ITGAE: variants seen among roughly 807,000 people sequenced by gnomAD.
ITGAE encodes integrin alpha-E.
In ITGAE, 99 loss-of-function variants were observed where a neutral mutation model predicts 136.5. The observed-to-expected ratio is 0.73, with a 90% CI of 0.62 to 0.86. ITGAE has a LOEUF of 0.86. Ranked by LOEUF, ITGAE falls within the 40% of genes least tolerant of loss-of-function variation. The probability of loss-of-function intolerance (pLI) is 0.00; values close to 1 mark genes in which losing one functional copy is unlikely to be tolerated. For synonymous variants in ITGAE, 613 were observed against 591.8 expected (o/e 1.04, Z -0.52); for missense variants, 1,447 against 1,515.3 (o/e 0.95, Z 0.75).
At chr17:3,730,878 T>C (rs2051325987) in intron 23 of ITGAE, among the ~76,000 whole-genome samples, 1 of 152,240 alleles carries the variant, frequency 6.6e-6, no homozygotes, top group South Asian at 2.1e-4. Context: ...CACCAGGCTG[T>C]ACCACAGTTT....
In ITGAE at chr17:3,797,407, T is replaced by C. The variant is rs372489004; in HGVS notation, c.34+3704A>G. Reference sequence around the variant, plus strand: ...GTCTCGATCTCCTGACCTCATGATCTGCCCACCTTGGCCTCCTAAAGTGCT... The same window carrying C: ...GTCTCGATCTCCTGACCTCATGATCCGCCCACCTTGGCCTCCTAAAGTGCT... On this transcript the variant is annotated intron_variant, in intron 1 of 30. Coordinates refer to ENST00000263087, the MANE Select transcript of ITGAE (RefSeq NM_002208.5). Among the ~76,000 whole-genome samples, 130 of 151,118 alleles carry C rather than the reference T, an allele frequency of 8.6e-4. 2 individuals carry two copies. The highest frequency in any genetic ancestry group is 1.3e-3 in the South Asian group (6 of 4,782).
At chr17:3,777,192 A>G (rs1597359150) in intron 2 of ITGAE, among the ~76,000 whole-genome samples, 2 of 150,546 alleles carry the variant, frequency 1.3e-5, no homozygotes, top group African/African-American at 4.9e-5. Flanking sequence ...CAATCTCCTG[A>G]CCTCGTGATC....
At chr17:3,749,258 CTTT>C (rs796375843) in intron 16 of ITGAE, among the ~76,000 whole-genome samples, 2 of 144,196 alleles carry the variant, frequency 1.4e-5, no homozygotes. Context: ...CTCTGTTTTT[CTTT>C]TTTTTTTTTT....
intron 2 of ITGAE, among the ~76,000 whole-genome samples, chr17:3,773,405 C>T (rs1364436959): frequency 1.3e-5 from 2 of 152,048 alleles, no homozygotes; most frequent in African/African-American, 2.4e-5. Context: ...GCAGGAGAAT[C>T]GCTTGAACCC....
At position 3,755,881 on chromosome 17, in the gene ITGAE, G is replaced by T; in HGVS notation, c.1188C>A (p.Ala396=). ...CAATCTGTGCCAGCTGGTAGTGAAG[G>T]GCGTCTCCAACCGTGCCTGCAAGCC... ...IISMEGTVGD[A]LHYQLAQIGF... The change falls in exon 11 of 31, where the codon GCC becomes GCA. Residue 396 remains alanine, a synonymous_variant. Coordinates refer to ENST00000263087, the MANE Select transcript of ITGAE (RefSeq NM_002208.5). 1 of 1,599,196 alleles carries T rather than the reference G, an allele frequency of 6.3e-7. No individual in the cohort carries two copies. Among genetic ancestry groups the T allele is most frequent in the South Asian group, 1.1e-5 (1 of 88,180 alleles).
At chr17:3,776,454 A>C (rs2052542447) in intron 2 of ITGAE, among the ~76,000 whole-genome samples, 1 of 152,202 alleles carries the variant, frequency 6.6e-6, no homozygotes, top group Non-Finnish European at 1.5e-5. Context: ...AGAGAAGGGA[A>C]ACTGAAGCTC....
At position 3,753,886 on chromosome 17, in the gene ITGAE, G is replaced by A. The variant is rs2051934914; in HGVS notation, c.1424C>T (p.Ser475Phe). Residue 475 changes from serine (S) to phenylalanine (F), a missense_variant, in exon 13 of 31, where the codon TCC becomes TTC. Ser to Phe is a radical substitution (Grantham distance 155, BLOSUM62 -2). Coordinates refer to ENST00000263087, the MANE Select transcript of ITGAE (RefSeq NM_002208.5). ...GTACCGTGGAGCCCCCGCGATGTAG[G>A]AGAGGCTGCAGGTCTTGTGCAGCAC... is the stretch of plus-strand genomic sequence containing the variant. ...VAVLHKTCSL[S>F]YIAGAPRYKH... 11 of 1,614,146 alleles carry A rather than the reference G, an allele frequency of 6.8e-6. No homozygotes were observed. The highest frequency in any genetic ancestry group is 9.3e-6 in the Non-Finnish European group (11 of 1,180,008).
chr17:3,785,515 G>C (rs1597367342), intron 1 of ITGAE, among the ~76,000 whole-genome samples: 1 of 143,058 alleles, frequency 7.0e-6, no homozygotes, highest in African/African-American at 2.8e-5. Context: ...AGGAAGGAAG[G>C]AAGGAAGGAA....
At chr17:3,742,864 C>G (rs1399942951) in intron 19 of ITGAE, among the ~76,000 whole-genome samples, 1 of 152,166 alleles carries the variant, frequency 6.6e-6, no homozygotes, top group Admixed American at 6.6e-5. Flanking sequence ...CTTGGCCAGG[C>G]TGGTATCGAA....
intron 1 of ITGAE, among the ~76,000 whole-genome samples, chr17:3,793,193 C>T (rs1349362582): frequency 6.6e-6 from 1 of 151,972 alleles, no homozygotes; most frequent in Admixed American, 6.6e-5. Context: ...GCTGGGAAAA[C>T]AGGTGCCCAT....
chr17:3,772,241 C>T (rs1041812970), intron 2 of ITGAE, among the ~76,000 whole-genome samples: 1 of 152,158 alleles, frequency 6.6e-6, no homozygotes, highest in African/African-American at 2.4e-5. Context: ...GGACGTCCCC[C>T]AACAGAGCTG....
In ITGAE at chr17:3,747,919, T is replaced by C. The variant is rs1597327594; in HGVS notation, c.2155+3A>G. 4.4e-6 allele frequency: 7 copies of C among 1,573,762 alleles called. No individual in the cohort carries two copies. The highest frequency in any genetic ancestry group is 6.1e-6 in the Non-Finnish European group (7 of 1,154,718). On this transcript the variant is annotated splice_donor_region_variant and intron_variant, in intron 17 of 30. Coordinates refer to ENST00000263087, the MANE Select transcript of ITGAE (RefSeq NM_002208.5). ...GCAGGGGTCAGCTGGACCATTTTTTTACCTGACTCAGAGGCTGTGGTTACA... is the reference window on the plus strand; with the variant it reads ...GCAGGGGTCAGCTGGACCATTTTTTCACCTGACTCAGAGGCTGTGGTTACA...
intron 2 of ITGAE, among the ~76,000 whole-genome samples, chr17:3,772,849 C>T (rs73318127): frequency 0.086 from 13,098 of 152,158 alleles, 615 homozygotes; most frequent in East Asian, 0.18. Context: ...TCTGTCTCCC[C>T]TGCAGCTCTC....
intron 14 of ITGAE, among the ~76,000 whole-genome samples, chr17:3,752,597 A>G (rs1217378062): frequency 6.6e-6 from 1 of 152,026 alleles, no homozygotes; most frequent in Admixed American, 6.6e-5. Context: ...CTCTACTAAA[A>G]TTACAAAAAT....
At chr17:3,748,892 C>G (rs1412721161) in intron 16 of ITGAE, among the ~76,000 whole-genome samples, 2 of 152,094 alleles carry the variant, frequency 1.3e-5, no homozygotes, top group Non-Finnish European at 2.9e-5. Context: ...CCACGAAGAG[C>G]CCTGTAAAGC....
At chr17:3,722,104 G>A (rs144227605) in intron 28 of ITGAE, among the ~76,000 whole-genome samples, 19,484 of 151,882 alleles carry the variant, frequency 0.13, 4,152 homozygotes, top group African/African-American at 0.44. Context: ...GCTTGAACCC[G>A]GGAGGCGGAG....
At chr17:3,775,540 GCCTC>G (rs2052518937) in intron 2 of ITGAE, among the ~76,000 whole-genome samples, 1 of 151,604 alleles carries the variant, frequency 6.6e-6, no homozygotes, top group Non-Finnish European at 1.5e-5. Context: ...GCTCACTGCA[GCCTC>G]CACCTCCTGG....
chr17:3,761,587 T>A, intron 4 of ITGAE, 67 bp from the exon 5 acceptor site: 1 of 1,419,394 alleles, frequency 7.0e-7, no homozygotes, highest in Non-Finnish European at 9.7e-7. Flanking sequence ...ACAGCCACAT[T>A]CTCACCCCCA....
chr17:3,715,913 T>G (rs1483583539), intron 30 of ITGAE, among the ~76,000 whole-genome samples: 1 of 151,214 alleles, frequency 6.6e-6, no homozygotes, highest in African/African-American at 2.4e-5. Context: ...TCCCAGAACT[T>G]TGGGAGGCCG....
Sources: gnomAD v4.1 joint callset for allele counts (sites outside exome capture counted in the v4.1 genomes callset) on GRCh38, gnomAD v4.1.1 for gene constraint, MANE v1.5 for transcripts, NCBI Gene and HGNC (gene_info 2026-07-23, HGNC 2026-07-21) for gene names.